CD1B: variants seen among roughly 807,000 people sequenced by gnomAD.
The protein encoded by CD1B is CD1b molecule.
CD1B carries 43 observed loss-of-function variants against 39.8 expected under a neutral mutation model. The ratio of observed to expected loss-of-function variants is 1.08; its 90% CI spans 0.85 to 1.39. CD1B has a LOEUF of 1.39. CD1B is among the 40% of genes most tolerant of loss of function. The probability of loss-of-function intolerance (pLI) is 0.00; values close to 1 mark genes in which losing one functional copy is unlikely to be tolerated. For synonymous variants in CD1B, 192 were observed against 152.5 expected, an observed-to-expected ratio of 1.26 and a Z score of -1.91; for missense variants, 495 against 403.8, an observed-to-expected ratio of 1.23 and a Z score of -1.94.
the CD1B span, among the ~76,000 whole-genome samples, chr1:158,304,090 G>T: frequency 6.6e-6 from 1 of 152,038 alleles, no homozygotes; most frequent in African/African-American, 2.4e-5. Context: ...TCAGAAAGTG[G>T]GTGCAGGACA....
the CD1B span, among the ~76,000 whole-genome samples, chr1:158,304,683 C>T: frequency 2.6e-3 from 395 of 152,304 alleles, 2 homozygotes; most frequent in African/African-American, 9.0e-3. Context: ...CTGGGAGGCA[C>T]CTCCCAGTAG....
the CD1B span, among the ~76,000 whole-genome samples, chr1:158,295,075 G>A: frequency 2.6e-5 from 4 of 152,058 alleles, no homozygotes; most frequent in African/African-American, 4.8e-5. Context: ...AGGATTCTAG[G>A]ACACCCAGGA....
the CD1B span, among the ~76,000 whole-genome samples, chr1:158,311,766 A>G: frequency 5.3e-4 from 81 of 152,000 alleles, no homozygotes; most frequent in Non-Finnish European, 8.7e-4. Context: ...TCTGTCCCCA[A>G]TGTGTGTCTT....
chr1:158,305,657 A>G, the CD1B span, among the ~76,000 whole-genome samples: 1 of 152,228 alleles, frequency 6.6e-6, no homozygotes, highest in South Asian at 2.1e-4. Flanking sequence ...AAATGAAGGA[A>G]AAAATGTTAA....
the CD1B span, among the ~76,000 whole-genome samples, chr1:158,318,250 C>G: frequency 8.0e-4 from 122 of 152,164 alleles, 5 homozygotes; most frequent in South Asian, 0.022. Context: ...TCTGTCTAAT[C>G]TTGACAGTGG....
At chr1:158,288,505 C>T in the CD1B span, among the ~76,000 whole-genome samples, 1 of 151,934 alleles carries the variant, frequency 6.6e-6, no homozygotes, top group Non-Finnish European at 1.5e-5. Flanking sequence ...GATCTTCCTG[C>T]CTCTGCCTCC....
chr1:158,288,924 C>G, the CD1B span, among the ~76,000 whole-genome samples: 3 of 152,150 alleles, frequency 2.0e-5, no homozygotes, highest in African/African-American at 7.2e-5. Flanking sequence ...GTGTTTTGGT[C>G]AGATCACAAA....
intron 3 of CD1B, 96 bp downstream of exon 3, chr1:158,329,756 A>G: frequency 1.3e-6 from 2 of 1,555,972 alleles, no homozygotes; most frequent in Middle Eastern, 3.5e-4. Flanking sequence ...TCCTTTGGGA[A>G]CCAAATAACT....
chr1:158,328,845 T>C, intron 5 of CD1B, 76 bp downstream of exon 5: 1 of 1,033,222 alleles, frequency 9.7e-7, no homozygotes, highest in Non-Finnish European at 1.4e-6. Flanking sequence ...TTTAAATAGA[T>C]AAAATGGTAA....
chr1:158,300,966 G>A, the CD1B span, among the ~76,000 whole-genome samples: 1 of 151,692 alleles, frequency 6.6e-6, no homozygotes, highest in Non-Finnish European at 1.5e-5. Context: ...CACCATATTA[G>A]CCAGGATGGT....
At chr1:158,330,736 G>A (rs562633354) in intron 2 of CD1B, 60 bp downstream of exon 2, 374 of 1,541,852 alleles carry the variant, frequency 2.4e-4, no homozygotes, top group Non-Finnish European at 3.1e-4. Context: ...GCAACACTTT[G>A]CAAAAAAGAG....
chr1:158,303,472 A>T, the CD1B span, among the ~76,000 whole-genome samples: 5 of 152,350 alleles, frequency 3.3e-5, no homozygotes, highest in Middle Eastern at 3.4e-3. Context: ...AAAAGAGAGG[A>T]AGTTAAATTA....
the CD1B span, chr1:158,292,958 A>G: frequency 7.4e-7 from 1 of 1,352,690 alleles, no homozygotes; most frequent in Non-Finnish European, 1.0e-6. Context: ...TAGCAGACCT[A>G]GGTGAGGGAT....
rs1652507879 is a variant in CD1B, at chr1:158,329,716, C to A, written c.608-68G>T. The A allele has an allele frequency of 1.9e-6, 3 of 1,580,646 alleles. No individual in the cohort carries two copies. The East Asian group carries it at 6.7e-5, about 35-fold the overall frequency. ...AGTTCAGAGGTTATGAACTCAGAAA[C>A]CTACAAGCTTGGACAGCGACCCCAT... On this transcript the variant is annotated intron_variant, in intron 3 of 5. Coordinates refer to ENST00000368168, the MANE Select transcript of CD1B (RefSeq NM_001764.3).
the CD1B span, among the ~76,000 whole-genome samples, chr1:158,319,511 C>T: frequency 6.6e-6 from 1 of 152,190 alleles, no homozygotes; most frequent in Non-Finnish European, 1.5e-5. Context: ...GTTGTCAGCT[C>T]CATCACTCCT....
chr1:158,323,527 C>T (rs1364548180), downstream of CD1B, among the ~76,000 whole-genome samples: 1 of 152,082 alleles, frequency 6.6e-6, no homozygotes, highest in Non-Finnish European at 1.5e-5. Flanking sequence ...GGTCAAAATT[C>T]CCTGGTTGTT....
the CD1B span, chr1:158,293,163 T>C: frequency 1.5e-6 from 2 of 1,358,826 alleles, no homozygotes; most frequent in Middle Eastern, 1.8e-4. Flanking sequence ...TGGAATAGAA[T>C]CAGCAGTGAG....
the CD1B span, among the ~76,000 whole-genome samples, chr1:158,306,194 G>A: frequency 5.9e-5 from 9 of 152,296 alleles, no homozygotes; most frequent in South Asian, 1.7e-3. Flanking sequence ...CATAGCAAGT[G>A]CAGAGACACA....
At chr1:158,293,774 C>A in the CD1B span, 2 of 575,934 alleles carry the variant, frequency 3.5e-6, no homozygotes, top group South Asian at 4.6e-5. Flanking sequence ...ACTTCCTACC[C>A]TGTGTTGCAG....
Sources: allele counts gnomAD v4.1 joint callset (sites outside exome capture counted in the v4.1 genomes callset), GRCh38; gene constraint gnomAD v4.1.1; transcripts MANE v1.5; gene names NCBI Gene and HGNC (gene_info 2026-07-23, HGNC 2026-07-21).